The following ETNK1 variants were observed in gnomAD, a reference collection of about 807,000 sequenced individuals.
The protein encoded by ETNK1 is putative protein product of Nbla10396.
ETNK1 carries 8 observed loss-of-function variants against 45.1 expected under a neutral mutation model. The observed-to-expected ratio is 0.18, with a 90% CI of 0.10 to 0.32. The LOEUF (loss-of-function observed/expected upper bound fraction) is 0.32, where lower values mean the gene tolerates loss of function less well. Ranked by LOEUF, ETNK1 falls within the 10% of genes least tolerant of loss-of-function variation. ETNK1 has a pLI of 1.00. For missense variants in ETNK1, 302 were observed against 430.6 expected, an observed-to-expected ratio of 0.70 and a Z score of 2.64; for synonymous variants, 152 against 151.9, an observed-to-expected ratio of 1.00 and a Z score of -0.01.
rs952676830 is a variant in ETNK1, at chr12:22,652,061, T to C, written c.417-6953T>C. Among the ~76,000 whole-genome samples, 6 of 152,122 alleles carry C rather than the reference T, an allele frequency of 3.9e-5. 1 individual carries two copies. The highest frequency in any genetic ancestry group is 1.4e-4 in the African/African-American group (6 of 41,430). Reference sequence around the variant, plus strand: ...GCAACCGTCATCTACTTTCTATCCCTAGGAATTTGACTACTTAGGTACATC... The same window carrying C: ...GCAACCGTCATCTACTTTCTATCCCCAGGAATTTGACTACTTAGGTACATC... On this transcript the variant is annotated intron_variant, in intron 2 of 7. Coordinates refer to ENST00000266517, the MANE Select transcript of ETNK1 (RefSeq NM_018638.5).
In ETNK1 at chr12:22,686,348, C is replaced by T. The variant is rs1328070452; in HGVS notation, c.*1394C>T. On this transcript the variant is annotated 3_prime_UTR_variant, in exon 8 of 8. Coordinates refer to ENST00000266517, the MANE Select transcript of ETNK1 (RefSeq NM_018638.5). ...TAGAAAATTAGTCTGACAAGCTTTG[C>T]ACTTCGGTCACATAAGTGCCCATGT... 2 of 152,284 alleles carry T rather than the reference C, an allele frequency of 1.3e-5. No homozygotes were observed. Among genetic ancestry groups the T allele is most frequent in the Non-Finnish European group, 2.9e-5 (2 of 67,802 alleles). 9.4% of individuals were successfully genotyped at this position (152,284 alleles called of 1,614,324 possible).
chr12:22,660,798 A>G (rs1953992004), intron 3 of ETNK1, among the ~76,000 whole-genome samples: 1 of 152,086 alleles, frequency 6.6e-6, no homozygotes, highest in Non-Finnish European at 1.5e-5. Context: ...TTACCTATAT[A>G]TATTACTTAG....
chr12:22,676,342 C>T (rs1366859672), intron 6 of ETNK1, among the ~76,000 whole-genome samples: 1 of 152,102 alleles, frequency 6.6e-6, no homozygotes, highest in Non-Finnish European at 1.5e-5. Context: ...ATGAACTCAT[C>T]GTTTTTGATG....
intron 2 of ETNK1, among the ~76,000 whole-genome samples, chr12:22,658,112 A>G (rs149834791): frequency 6.6e-6 from 1 of 151,198 alleles, no homozygotes; most frequent in East Asian, 1.9e-4. Context: ...GAAGTTCCTT[A>G]GGAAAATCAT....
At chr12:22,644,074 C>T in intron 2 of ETNK1, 52 bp downstream of exon 2, 2 of 1,514,686 alleles carry the variant, frequency 1.3e-6, no homozygotes, top group Non-Finnish European at 8.9e-7. Context: ...CATTTAAGTG[C>T]ATTAAGGAAA....
At chr12:22,644,778 C>A (rs1333666439) in intron 2 of ETNK1, among the ~76,000 whole-genome samples, 1 of 151,888 alleles carries the variant, frequency 6.6e-6, no homozygotes. Flanking sequence ...TATCATATAA[C>A]CTCTTGAAAG....
chr12:22,677,265 G>A (rs1954171378), intron 6 of ETNK1, among the ~76,000 whole-genome samples: 1 of 152,116 alleles, frequency 6.6e-6, no homozygotes, highest in Non-Finnish European at 1.5e-5. Context: ...ATTAAAGAGG[G>A]AATTTTTTCC....
At chr12:22,626,358 T>C (rs1953497071) in intron 1 of ETNK1, among the ~76,000 whole-genome samples, 1 of 152,174 alleles carries the variant, frequency 6.6e-6, no homozygotes, top group Non-Finnish European at 1.5e-5. Context: ...AATACTAATC[T>C]GTTTTTAGCT....
chr12:22,635,809 A>T (rs2137522720), intron 1 of ETNK1, among the ~76,000 whole-genome samples: 1 of 152,294 alleles, frequency 6.6e-6, no homozygotes, highest in Middle Eastern at 3.4e-3. Flanking sequence ...ATGATACTCT[A>T]AGTGATTTTC....
chr12:22,669,646 G>A lies in ETNK1; in HGVS notation c.701-1626G>A, dbSNP rs114277545. On this transcript the variant is annotated intron_variant, in intron 4 of 7. Coordinates refer to ENST00000266517, the MANE Select transcript of ETNK1 (RefSeq NM_018638.5). ...TCCTAGAAAAGAAACTTTAAAACAT[G>A]TTTCTACTTCCCATTCTGCAGTTTA... 2.8e-3 allele frequency among the ~76,000 whole-genome samples: 429 copies of A among 152,170 alleles called. 3 individuals are homozygous for A. Among genetic ancestry groups the A allele is most frequent in the African/African-American group, 0.01 (417 of 41,528 alleles).
Position 22,643,860 on chromosome 12 carries a change from A to G in ETNK1, c.254A>G (p.Glu85Gly). Residue 85 changes from glutamate to glycine, a missense_variant, in exon 2 of 8, where the codon GAG becomes GGG. Glu to Gly is a moderately conservative substitution (Grantham distance 98). Around this residue, in one of 3 missense-constraint regions of ETNK1, gnomAD observed 205 missense variants for 259.9 expected, o/e 0.79. Coordinates refer to ENST00000266517, the MANE Select transcript of ETNK1 (RefSeq NM_018638.5). ...GTGAGAATTTATGGCAATAAGACTGAGTTATTAGTCGATCGAGATGAGGAA... is the reference window on the plus strand; with the variant it reads ...GTGAGAATTTATGGCAATAAGACTGGGTTATTAGTCGATCGAGATGAGGAA... Reference protein sequence around the residue: ...VLVRIYGNKTELLVDRDEEVK... With the variant: ...VLVRIYGNKTGLLVDRDEEVK... The G allele has an allele frequency of 6.2e-7, 1 of 1,613,472 alleles. No individual in the cohort carries two copies. The highest frequency in any genetic ancestry group is 8.5e-7 in the Non-Finnish European group (1 of 1,179,572).
intron 2 of ETNK1, among the ~76,000 whole-genome samples, chr12:22,657,139 T>C (rs1381648131): frequency 6.6e-6 from 1 of 152,200 alleles, no homozygotes; most frequent in East Asian, 1.9e-4. Context: ...TTTCTGCCTA[T>C]ATATGAGACT....
chr12:22,639,462 A>G (rs1953704999), intron 1 of ETNK1, among the ~76,000 whole-genome samples: 1 of 152,154 alleles, frequency 6.6e-6, no homozygotes, highest in Non-Finnish European at 1.5e-5. Flanking sequence ...GGATCACCTG[A>G]GATCAGGAGC....
intron 1 of ETNK1, among the ~76,000 whole-genome samples, chr12:22,640,255 C>T (rs1953717792): frequency 6.6e-6 from 1 of 152,082 alleles, no homozygotes; most frequent in Non-Finnish European, 1.5e-5. Context: ...TGATTAGTAG[C>T]TAAATTTACT....
At chr12:22,650,708 TA>T (rs1450214779) in intron 2 of ETNK1, among the ~76,000 whole-genome samples, 1 of 151,756 alleles carries the variant, frequency 6.6e-6, no homozygotes, top group Non-Finnish European at 1.5e-5. Context: ...ATATATTATA[TA>T]AAAAATAAAC....
intron 1 of ETNK1, among the ~76,000 whole-genome samples, chr12:22,635,545 T>C (rs1057428708): frequency 3.3e-5 from 5 of 152,228 alleles, no homozygotes; most frequent in African/African-American, 4.8e-5. Flanking sequence ...ACTCCTGATA[T>C]TAGGTGACAG....
At chr12:22,630,607 A>G (rs1175537481) in intron 1 of ETNK1, among the ~76,000 whole-genome samples, 1 of 151,816 alleles carries the variant, frequency 6.6e-6, no homozygotes, top group East Asian at 1.9e-4. Flanking sequence ...TTTGTATTTT[A>G]TTTTATTTTA....
At chr12:22,681,977 T>C (rs1174030933) in intron 6 of ETNK1, among the ~76,000 whole-genome samples, 1 of 152,190 alleles carries the variant, frequency 6.6e-6, no homozygotes, top group African/African-American at 2.4e-5. Context: ...TTGCCATGAA[T>C]AATCTGAATG....
At chr12:22,677,800 GCT>G (rs1253070783) in intron 6 of ETNK1, among the ~76,000 whole-genome samples, 1 of 152,022 alleles carries the variant, frequency 6.6e-6, no homozygotes, top group African/African-American at 2.4e-5. Flanking sequence ...TCATGATTTG[GCT>G]CTCTGTTTGT....
Sources: allele counts gnomAD v4.1 joint callset (sites outside exome capture counted in the v4.1 genomes callset), GRCh38; gene constraint gnomAD v4.1.1; regional missense constraint gnomAD v4.1.1; transcripts MANE v1.5; gene names NCBI Gene and HGNC (gene_info 2026-07-23, HGNC 2026-07-21).